PCDHGA9: variants seen among roughly 807,000 people sequenced by gnomAD.
PCDHGA9 encodes the protein protocadherin gamma-A9.
PCDHGA9 carries 37 observed loss-of-function variants against 62.5 expected under a neutral mutation model. The observed-to-expected ratio is 0.59, with a 90% CI of 0.46 to 0.78. The LOEUF is 0.78. Among genes scored for constraint, PCDHGA9 ranks in the 30% least tolerant of loss-of-function variants. The pLI is 0.00. For synonymous variants in PCDHGA9, 459 were observed against 484.6 expected (o/e 0.95, Z 0.69); for missense variants, 1,138 against 1,166.2 (o/e 0.98, Z 0.35).
chr5:141,427,895 G>T (rs539406412), intron 1 of PCDHGA9: 3 of 1,569,228 alleles, frequency 1.9e-6, no homozygotes, highest in South Asian at 2.2e-5. Context: ...ACCAGGGCTC[G>T]CCCGCGCTCA....
intron 1 of PCDHGA9, among the ~76,000 whole-genome samples, chr5:141,449,680 T>C (rs2098651613): frequency 6.6e-6 from 1 of 151,546 alleles, no homozygotes; most frequent in Admixed American, 6.6e-5. Flanking sequence ...TATGTATATA[T>C]GTTTGTGTGT....
intron 1 of PCDHGA9, among the ~76,000 whole-genome samples, chr5:141,457,898 A>T (rs1035775197): frequency 6.6e-6 from 1 of 151,874 alleles, no homozygotes; most frequent in Non-Finnish European, 1.5e-5. Context: ...GACTGTGTAG[A>T]CAAGGTGTGA....
chr5:141,476,180 C>T lies in PCDHGA9; in HGVS notation c.2425-18627C>T. The T allele has an allele frequency of 1.2e-6, 2 of 1,613,664 alleles. No individual in the cohort carries two copies. Among genetic ancestry groups the T allele is most frequent in the East Asian group, 4.5e-5 (2 of 44,838 alleles). On this transcript the variant is annotated intron_variant, in intron 1 of 3. Transcript: ENST00000573521. The surrounding 1 kb of genome is among the most constrained non-coding windows in gnomAD (Gnocchi z 7.6). ...CGGGAGGGTAGTGGGAGTTTTGCTT[C>T]TGCTTGGTGCCTTGAACAAGGCTTC...
At position 141,403,200 on chromosome 5, in the gene PCDHGA9, C is replaced by T. The variant is rs765799006; in HGVS notation, c.248C>T (p.Thr83Ile). 1 of 1,613,982 alleles carries T rather than the reference C, an allele frequency of 6.2e-7. No individual in the cohort carries two copies. Among genetic ancestry groups the T allele is most frequent in the South Asian group, 1.1e-5 (1 of 91,090 alleles). The change falls in exon 1 of 4, where the codon ACC becomes ATC. Residue 83 changes from threonine to isoleucine, a missense_variant. Physicochemically the swap from Thr to Ile is moderately conservative, Grantham distance 89. Transcript: ENST00000573521. ...TTCTCTCTGAACCCGCGCAGCGGCACCTTGGTCACCGCGGGTAGGATAGAC... is the reference window on the plus strand; with the variant it reads ...TTCTCTCTGAACCCGCGCAGCGGCATCTTGGTCACCGCGGGTAGGATAGAC... The part of the protein sequence containing the change: ...QLFSLNPRSG[T>I]LVTAGRIDRE...
chr5:141,488,985 C>G lies in PCDHGA9; in HGVS notation c.2425-5822C>G, dbSNP rs574857958. On this transcript the variant is annotated intron_variant, in intron 1 of 3. Transcript: ENST00000573521. ...ACTTTTTGGCCAATCAGACTCAGAG[C>G]TGAGGTGGGAGATCTGCTCTTCCAG... The G allele has an allele frequency of 7.4e-6, 3 of 405,188 alleles. No homozygotes were observed. In the South Asian group the frequency reaches 2.4e-4, roughly 32 times the overall value. The allele number at this position is 405,188 out of a possible 1,614,324, so 25.1% of individuals were successfully genotyped here.
At chr5:141,446,098 A>G (rs375135134) in intron 1 of PCDHGA9, among the ~76,000 whole-genome samples, 2 of 152,350 alleles carry the variant, frequency 1.3e-5, no homozygotes, top group African/African-American at 4.8e-5. Flanking sequence ...TGGATGAATT[A>G]TAGATATATT....
chr5:141,460,983 G>A (rs12516231), intron 1 of PCDHGA9, among the ~76,000 whole-genome samples: 37,603 of 137,412 alleles, frequency 0.27, 5,103 homozygotes, highest in Admixed American at 0.34. Flanking sequence ...GTGTGTGTGT[G>A]TATATATATA....
chr5:141,431,068 A>G lies in PCDHGA9; in HGVS notation c.2424+25692A>G. 2 of 1,614,218 alleles carry G rather than the reference A, an allele frequency of 1.2e-6. No individual in the cohort carries two copies. Among genetic ancestry groups the G allele is most frequent in the South Asian group, 1.1e-5 (1 of 91,088 alleles). On this transcript the variant is annotated intron_variant, in intron 1 of 3. Coordinates refer to ENST00000573521, the MANE Select transcript of PCDHGA9 (RefSeq NM_018921.3). The surrounding 1 kb of genome is among the most constrained non-coding windows in gnomAD (Gnocchi z 4.8). ...TCTGTATGGGGGCCATCAAGTGTCA[A>G]TTAAATCTAGACATTCTGATGGAGG...
At chr5:141,409,828 C>G in intron 1 of PCDHGA9, 1 of 1,611,128 alleles carries the variant, frequency 6.2e-7, no homozygotes, top group Non-Finnish European at 8.5e-7. Flanking sequence ...CGCCCACGCT[C>G]AGCGCCAACG....
intron 1 of PCDHGA9, among the ~76,000 whole-genome samples, chr5:141,468,047 G>A (rs901583535): frequency 2.0e-5 from 3 of 152,050 alleles, no homozygotes; most frequent in Non-Finnish European, 2.9e-5. Context: ...AAACTAAGCC[G>A]GGCACAGTGG....
chr5:141,405,446 G>A, intron 1 of PCDHGA9, 70 bp downstream of exon 1: 1 of 1,338,140 alleles, frequency 7.5e-7, no homozygotes, highest in Non-Finnish European at 1.0e-6. Flanking sequence ...TTGAGACAGA[G>A]TCTTACTCTG....
At chr5:141,501,866 C>T (rs1193396289) in intron 2 of PCDHGA9, among the ~76,000 whole-genome samples, 4 of 152,108 alleles carry the variant, frequency 2.6e-5, no homozygotes, top group South Asian at 2.1e-4. Context: ...TTTCCCAGGA[C>T]GCCTCCTTAC....
chr5:141,472,838 T>C (rs1457889821), intron 1 of PCDHGA9, among the ~76,000 whole-genome samples: 1 of 151,464 alleles, frequency 6.6e-6, no homozygotes, highest in Non-Finnish European at 1.5e-5. Context: ...AATAGAAAAT[T>C]AGCTGGGCAT....
At chr5:141,408,885 T>G in intron 1 of PCDHGA9, 1 of 1,613,020 alleles carries the variant, frequency 6.2e-7, no homozygotes, top group Middle Eastern at 1.6e-4. Context: ...ACCGCTCACA[T>G]AGAAATTTCT....
At chr5:141,508,123 G>A (rs989767852) in intron 3 of PCDHGA9, 1 of 152,616 alleles carries the variant, frequency 6.6e-6, no homozygotes, top group Non-Finnish European at 1.5e-5. Context: ...GAGGACAGAG[G>A]GAGGTCAGGG....
chr5:141,439,459 A>T (rs558086952), intron 1 of PCDHGA9, among the ~76,000 whole-genome samples: 1 of 152,340 alleles, frequency 6.6e-6, no homozygotes, highest in African/African-American at 2.4e-5. Flanking sequence ...GCAAGACTGC[A>T]CTGCTGCCTT....
At chr5:141,453,093 C>A (rs1408495535) in intron 1 of PCDHGA9, among the ~76,000 whole-genome samples, 1 of 151,928 alleles carries the variant, frequency 6.6e-6, no homozygotes, top group African/African-American at 2.4e-5. Context: ...AGTATATTTT[C>A]TGTTGCTTTT....
chr5:141,414,990 C>A (rs1442265707), intron 1 of PCDHGA9: 5 of 1,613,794 alleles, frequency 3.1e-6, no homozygotes, highest in Admixed American at 1.7e-5. Context: ...CCGGCCAGAA[C>A]GCCTGGCTGT....
At chr5:141,407,930 C>T (rs2095001418) in intron 1 of PCDHGA9, 2 of 498,880 alleles carry the variant, frequency 4.0e-6, no homozygotes, top group Non-Finnish European at 6.9e-6. Flanking sequence ...CGCACGGAGC[C>T]TCTGGGCGCC....
Sources: gnomAD v4.1 joint callset for allele counts (sites outside exome capture counted in the v4.1 genomes callset) on GRCh38, gnomAD v4.1.1 for gene constraint, Gnocchi (gnomAD v3.1) non-coding constraint, MANE v1.5 for transcripts, NCBI Gene and HGNC (gene_info 2026-07-23, HGNC 2026-07-21) for gene names.